Variants in PPP2R1B observed in about 807,000 individuals in gnomAD.
PPP2R1B encodes the protein protein phosphatase 2 scaffold subunit Abeta.
PPP2R1B carries 58 observed loss-of-function variants against 72.7 expected under a neutral mutation model. That is an observed-to-expected ratio of 0.80 (90% confidence interval 0.65 to 0.99). The LOEUF (loss-of-function observed/expected upper bound fraction) is 0.99, where lower values mean the gene tolerates loss of function less well. Among genes scored for constraint, PPP2R1B ranks in the 50% least tolerant of loss-of-function variants. PPP2R1B has a pLI of 0.00. For synonymous variants in PPP2R1B, 256 were observed against 264.6 expected, an observed-to-expected ratio of 0.97 and a Z score of 0.32; for missense variants, 695 against 733.6, an observed-to-expected ratio of 0.95 and a Z score of 0.61.
the PPP2R1B span, among the ~76,000 whole-genome samples, chr11:111,693,114 A>T: frequency 6.6e-6 from 1 of 152,050 alleles, no homozygotes; most frequent in East Asian, 1.9e-4. Context: ...TGGGCGGATC[A>T]CGAGGGCAGG....
downstream of PPP2R1B, among the ~76,000 whole-genome samples, chr11:111,736,754 T>C (rs967390026): frequency 6.6e-5 from 10 of 152,254 alleles, no homozygotes; most frequent in African/African-American, 1.9e-4. Flanking sequence ...TGTTACTTCA[T>C]TGAATTTTCA....
chr11:111,763,983 G>A lies in PPP2R1B; in HGVS notation c.306+822C>T, dbSNP rs782691064. On this transcript the variant is annotated intron_variant, in intron 3 of 14. Coordinates refer to ENST00000527614, the MANE Select transcript of PPP2R1B (RefSeq NM_002716.5). The stretch of plus-strand genomic sequence containing the variant: ...CAGTATTACATACCCAGTATTCAAA[G>A]CTCTGACACATACACCCCTACCTTG... 9.9e-5 allele frequency among the ~76,000 whole-genome samples: 15 copies of A among 152,074 alleles called. No individual in the cohort carries two copies. The South Asian group carries it at 2.7e-3, about 27-fold the overall frequency.
chr11:111,722,584 C>A, downstream of PPP2R1B: 2 of 1,312,190 alleles, frequency 1.5e-6, no homozygotes, highest in South Asian at 1.3e-5. This position sits in a 1 kb window ranked among gnomAD's most constrained non-coding sequence, Gnocchi z 4.4. Context: ...TAGATTCATC[C>A]TGCAGGCAGA....
At chr11:111,731,652 C>T (rs991125502) in intron 15 of PPP2R1B, among the ~76,000 whole-genome samples, 4 of 152,238 alleles carry the variant, frequency 2.6e-5, no homozygotes, top group Non-Finnish European at 5.9e-5. Flanking sequence ...CCGCTGGTCT[C>T]TGGGTAGCGG....
exon 16 of PPP2R1B, chr11:111,726,962 G>T: frequency 6.2e-7 from 1 of 1,612,974 alleles, no homozygotes; most frequent in East Asian, 2.2e-5. Context: ...TAAATCTGGG[G>T]TATTAGTCTG....
At chr11:111,743,346 G>C in intron 12 of PPP2R1B, 30 bp downstream of exon 12, 1 of 1,572,254 alleles carries the variant, frequency 6.4e-7, no homozygotes, top group Non-Finnish European at 8.7e-7. Flanking sequence ...TAATGATTAA[G>C]CTTAGCAATA....
chr11:111,704,616 G>A, the PPP2R1B span, among the ~76,000 whole-genome samples: 5 of 152,074 alleles, frequency 3.3e-5, no homozygotes. Flanking sequence ...TTAGAGCCTC[G>A]GGCTCAGGTT....
At chr11:111,709,770 T>C in the PPP2R1B span, among the ~76,000 whole-genome samples, 1 of 152,226 alleles carries the variant, frequency 6.6e-6, no homozygotes, top group Admixed American at 6.5e-5. Context: ...TAGGAAGTGA[T>C]TGTCACAACA....
At chr11:111,712,755 G>A in the PPP2R1B span, among the ~76,000 whole-genome samples, 1 of 152,154 alleles carries the variant, frequency 6.6e-6, no homozygotes, top group Non-Finnish European at 1.5e-5. Context: ...GCCAAATTGG[G>A]CTTTATTTGA....
chr11:111,745,934 A>G (rs1309090582), intron 11 of PPP2R1B, among the ~76,000 whole-genome samples: 2 of 152,200 alleles, frequency 1.3e-5, no homozygotes, highest in African/African-American at 2.4e-5. Flanking sequence ...GTACAAAACA[A>G]TTTCAGAGCT....
rs1378130480 is a variant in PPP2R1B at position 111,764,993 on chromosome 11, C to G, written c.206-88G>C. The G allele has an allele frequency of 2.6e-6, 4 of 1,539,452 alleles. No homozygotes were observed. In the East Asian group the frequency reaches 9.5e-5, roughly 37 times the overall value. ...CAAAACTAGGAACAGATTCACTATG[C>G]GACCAGGAAGGTGACCCAGTCAAAA... On this transcript the variant is annotated intron_variant, in intron 2 of 14. Transcript: ENST00000527614.
At chr11:111,765,059 T>A (rs1945471004) in intron 2 of PPP2R1B, among the ~76,000 whole-genome samples, 154 bp from the exon 3 acceptor site, 1 of 152,248 alleles carries the variant, frequency 6.6e-6, no homozygotes, top group African/African-American at 2.4e-5. Flanking sequence ...TCTTCCTGTA[T>A]CTGCTTTGCA....
Position 111,761,058 on chromosome 11 carries a change from G to A in PPP2R1B, c.307-7C>T, listed in dbSNP as rs375421983. ...CCAGATTTTCCAAAGGAGGCTGAAT[G>A]GATTAAAAAGGAAAACCAGAGAAGA... On this transcript the variant is annotated splice_polypyrimidine_tract_variant and splice_region_variant and intron_variant, in intron 3 of 14. Transcript: ENST00000527614. 9 of 1,607,198 alleles carry A rather than the reference G, an allele frequency of 5.6e-6. No homozygotes were observed. Among genetic ancestry groups the A allele is most frequent in the Non-Finnish European group, 7.7e-6 (9 of 1,174,428 alleles).
intron 11 of PPP2R1B, among the ~76,000 whole-genome samples, chr11:111,746,498 G>A (rs1290236983): frequency 2.0e-5 from 3 of 152,124 alleles, no homozygotes; most frequent in East Asian, 3.9e-4. Flanking sequence ...AGGGGAGGGA[G>A]AGCATTAGAA....
At chr11:111,754,716 T>C in intron 7 of PPP2R1B, 147 bp from the exon 8 acceptor site, 1 of 1,386,634 alleles carries the variant, frequency 7.2e-7, no homozygotes, top group Non-Finnish European at 9.5e-7. Flanking sequence ...AAATAAACTT[T>C]TTCGTGAACT....
intron 1 of PPP2R1B, 59 bp downstream of exon 1, chr11:111,766,189 C>T: frequency 6.4e-7 from 1 of 1,564,360 alleles, no homozygotes; most frequent in South Asian, 1.1e-5. Flanking sequence ...CAGGCCTTCC[C>T]CCTTCTCTAC....
At chr11:111,690,921 C>T in the PPP2R1B span, among the ~76,000 whole-genome samples, 1 of 152,122 alleles carries the variant, frequency 6.6e-6, no homozygotes, top group Non-Finnish European at 1.5e-5. Flanking sequence ...AAGAAACATA[C>T]ATGCACATGT....
chr11:111,717,273 A>C, the PPP2R1B span, among the ~76,000 whole-genome samples: 1 of 125,872 alleles, frequency 7.9e-6, no homozygotes, highest in Admixed American at 1.1e-4. Context: ...CTGAGATCTC[A>C]CCACTGCACT....
chr11:111,693,206 C>T, the PPP2R1B span, among the ~76,000 whole-genome samples: 1 of 152,092 alleles, frequency 6.6e-6, no homozygotes, highest in Non-Finnish European at 1.5e-5. Flanking sequence ...GTGGTGCATG[C>T]CTGTAATCCC....
Sources: gnomAD v4.1 joint callset for allele counts (sites outside exome capture counted in the v4.1 genomes callset) on GRCh38, gnomAD v4.1.1 for gene constraint, Gnocchi (gnomAD v3.1) non-coding constraint, MANE v1.5 for transcripts, NCBI Gene and HGNC (gene_info 2026-07-23, HGNC 2026-07-21) for gene names.